The following RBM39 variants were observed in gnomAD, a reference collection of about 807,000 sequenced individuals.
RBM39 encodes RNA-binding protein 39.
Under a neutral mutation model 79.6 loss-of-function variants are expected in RBM39, and 12 were observed. The ratio of observed to expected loss-of-function variants is 0.15; its 90% CI spans 0.10 to 0.24. The LOEUF (loss-of-function observed/expected upper bound fraction) is 0.24. Ranked by LOEUF, RBM39 falls within the 10% of genes least tolerant of loss-of-function variation. The probability of loss-of-function intolerance (pLI) is 1.00; values close to 1 mark genes in which losing one functional copy is unlikely to be tolerated. For missense variants in RBM39, 243 were observed against 653.4 expected (o/e 0.37, Z 6.85); for synonymous variants, 185 against 208.4 (o/e 0.89, Z 0.97).
Position 35,738,996 on chromosome 20 carries a change from C to T in RBM39, c.73G>A (p.Ala25Thr), listed in dbSNP as rs1307464238. The change falls in exon 3 of 17, where the codon GCC becomes ACC. Residue 25 changes from alanine to threonine, a missense_variant. This residue lies in a region of RBM39 where 115 missense variants were observed against 184.1 expected (regional missense o/e 0.62). Coordinates refer to ENST00000253363, the MANE Select transcript of RBM39 (RefSeq NM_184234.3). ...TTGCTACGTTCTTCATGGCCGTTGGCACTGCTCAACTTGTTCTCATCCTAA... is the reference window on the plus strand; with the variant it reads ...TTGCTACGTTCTTCATGGCCGTTGGTACTGCTCAACTTGTTCTCATCCTAA... The part of the protein sequence containing the change: ...YKKDENKLSS[A>T]NGHEERSKKR... The T allele has an allele frequency of 6.2e-7, 1 of 1,613,472 alleles. No homozygotes were observed. Among genetic ancestry groups the T allele is most frequent in the South Asian group, 1.1e-5 (1 of 91,058 alleles).
At chr20:35,711,138 T>C (rs184728389) in intron 12 of RBM39, among the ~76,000 whole-genome samples, 169 of 152,112 alleles carry the variant, frequency 1.1e-3, no homozygotes, top group African/African-American at 3.8e-3. Context: ...TGTAAGAAAA[T>C]TGTCTATAAA....
chr20:35,719,003 C>T (rs2037548235), intron 9 of RBM39, among the ~76,000 whole-genome samples: 1 of 148,154 alleles, frequency 6.7e-6, no homozygotes, highest in Non-Finnish European at 1.5e-5. Context: ...TTAAAAAGGG[C>T]TTCTTATTAA....
chr20:35,737,859 A>C (rs2040122591), intron 3 of RBM39, among the ~76,000 whole-genome samples: 1 of 147,860 alleles, frequency 6.8e-6, no homozygotes, highest in Non-Finnish European at 1.5e-5. Context: ...AAAAAAAAAA[A>C]AAAAAAAAAA....
intron 10 of RBM39, 138 bp from the exon 11 acceptor site, chr20:35,714,527 T>C (rs1313305001): frequency 5.6e-6 from 7 of 1,253,060 alleles, no homozygotes; most frequent in Non-Finnish European, 7.3e-6. Context: ...AAGCTGTAAG[T>C]AGCAAACACA....
chr20:35,739,364 C>T, intron 2 of RBM39: 1 of 463,640 alleles, frequency 2.2e-6, no homozygotes, highest in South Asian at 1.6e-5. Context: ...GAGTTTTATT[C>T]CATGTGCTAT....
chr20:35,706,416 G>A (rs986485712), intron 14 of RBM39, among the ~76,000 whole-genome samples: 1 of 152,218 alleles, frequency 6.6e-6, no homozygotes, highest in East Asian at 1.9e-4. Flanking sequence ...TAAAACTAAA[G>A]TAAATTTGGT....
At chr20:35,725,236 T>G in intron 6 of RBM39, 81 bp from the exon 7 acceptor site, 1 of 993,746 alleles carries the variant, frequency 1.0e-6, no homozygotes, top group South Asian at 1.7e-5. Flanking sequence ...TTCATATAGT[T>G]CAACAGGTTT....
intron 2 of RBM39, chr20:35,739,584 T>A (rs1470068724): frequency 2.1e-6 from 1 of 467,304 alleles, no homozygotes; most frequent in Non-Finnish European, 4.5e-6. Flanking sequence ...TTTAGTAATG[T>A]TGACTCCCAA....
chr20:35,722,757 C>T (rs554108108), intron 8 of RBM39, among the ~76,000 whole-genome samples: 2 of 151,678 alleles, frequency 1.3e-5, no homozygotes, highest in South Asian at 4.2e-4. Flanking sequence ...CACAGTGAAA[C>T]CCCGTCTCTA....
chr20:35,715,853 GTTAC>G (rs1485504174), intron 10 of RBM39, among the ~76,000 whole-genome samples: 1 of 152,000 alleles, frequency 6.6e-6, no homozygotes, highest in East Asian at 1.9e-4. Flanking sequence ...TCCTTGCTCT[GTTAC>G]TTCACAGGAT....
chr20:35,732,253 TATGATACA>T, intron 3 of RBM39, 118 bp from the exon 4 acceptor site: 1 of 915,194 alleles, frequency 1.1e-6, no homozygotes, highest in Non-Finnish European at 1.7e-6. Flanking sequence ...CTAGTTTTAC[TATGATACA>T]ATGGTACATA....
intron 11 of RBM39, 50 bp from the exon 12 acceptor site, chr20:35,713,146 G>C (rs375106539): frequency 2.7e-6 from 4 of 1,483,146 alleles, no homozygotes; most frequent in Non-Finnish European, 3.7e-6. Context: ...GCAGAGAAAC[G>C]AAGTTTCCTG....
At position 35,705,206 on chromosome 20, in the gene RBM39, T is replaced by A. The variant is rs749135359; in HGVS notation, c.1413+19A>T. The A allele has an allele frequency of 1.4e-6, 2 of 1,411,652 alleles. No homozygotes were observed. The highest frequency in any genetic ancestry group is 2.0e-6 in the Non-Finnish European group (2 of 1,020,060). 87.4% of individuals were successfully genotyped at this position (1,411,652 alleles called of 1,614,324 possible). ...GAGACGAACAACCTAACATCATTTA[T>A]AAAAAAAGATGAAAATACCTGAGCT... On this transcript the variant is annotated intron_variant, in intron 15 of 16. Transcript: ENST00000253363.
chr20:35,713,077 C>G lies in RBM39; in HGVS notation c.1116G>C (p.Pro372=). The G allele has an allele frequency of 6.2e-7, 1 of 1,613,520 alleles. No individual in the cohort carries two copies. Among genetic ancestry groups the G allele is most frequent in the East Asian group, 2.2e-5 (1 of 44,856 alleles). ...RLAEGTGLQI[P]PAAQQALQMS... is the part of the protein sequence containing the mutation. ...TCTGTAGAGCTTGCTGTGCTGCTGG[C>G]GGAATCTGCAAACCTGTACCTGTAA... The change falls in exon 12 of 17, where the codon CCG becomes CCC. Residue 372 remains proline, a synonymous_variant. Coordinates refer to ENST00000253363, the MANE Select transcript of RBM39 (RefSeq NM_184234.3).
At position 35,732,134 on chromosome 20, in the gene RBM39, T is replaced by G; in HGVS notation, c.103A>C (p.Arg35=). Residue 35 remains arginine, a splice_region_variant and synonymous_variant, in exon 4 of 17, where the codon AGG becomes CGG. Transcript: ENST00000253363. ...ANGHEERSKK[R]KKSKSRSRSH... The stretch of plus-strand genomic sequence containing the variant: ...CGACTTCTGCTCTTGCTTTTTTTCC[T>G]CCTGAGAAGAAAAAAACTCGCCATT... 6.2e-7 allele frequency: 1 copy of G among 1,613,912 alleles called. No individual in the cohort carries two copies. The highest frequency in any genetic ancestry group is 8.5e-7 in the Non-Finnish European group (1 of 1,180,010).
intron 6 of RBM39, among the ~76,000 whole-genome samples, chr20:35,725,902 G>C (rs898644819): frequency 6.6e-6 from 1 of 152,030 alleles, no homozygotes; most frequent in Non-Finnish European, 1.5e-5. Context: ...GATCTCAGGT[G>C]ATGTGCCCGC....
chr20:35,727,434 C>G, intron 6 of RBM39, among the ~76,000 whole-genome samples: 1 of 151,066 alleles, frequency 6.6e-6, no homozygotes, highest in African/African-American at 2.4e-5. Flanking sequence ...AATGCTACCA[C>G]CTGACAAAAT....
intron 3 of RBM39, among the ~76,000 whole-genome samples, chr20:35,733,535 G>T (rs1378054809): frequency 6.6e-6 from 1 of 152,048 alleles, no homozygotes; most frequent in African/African-American, 2.4e-5. Flanking sequence ...CTTGAACCTG[G>T]GAGGCAGAGG....
At chr20:35,722,745 AAC>A (rs952189906) in intron 8 of RBM39, among the ~76,000 whole-genome samples, 3 of 151,804 alleles carry the variant, frequency 2.0e-5, no homozygotes, top group African/African-American at 7.3e-5. Context: ...CATCCTGGTT[AAC>A]ACAGTGAAAC....
Sources: gnomAD v4.1 joint callset for allele counts (sites outside exome capture counted in the v4.1 genomes callset) on GRCh38, gnomAD v4.1.1 for gene constraint, gnomAD v4.1.1 regional missense constraint, MANE v1.5 for transcripts, NCBI Gene and HGNC (gene_info 2026-07-23, HGNC 2026-07-21) for gene names.